The following CNTN3 variants were observed in gnomAD, a reference collection of about 807,000 sequenced individuals.
The protein encoded by CNTN3 is contactin-3.
A neutral mutation model predicts 119.1 loss-of-function variants in CNTN3; 60 were observed. The ratio of observed to expected loss-of-function variants is 0.50; its 90% CI spans 0.41 to 0.62. The LOEUF (loss-of-function observed/expected upper bound fraction) is 0.62, where lower values mean the gene tolerates loss of function less well. CNTN3 is among the 20% of genes least tolerant of loss of function. The pLI, the probability that CNTN3 is intolerant of heterozygous loss-of-function variation, is 0.00. For synonymous variants in CNTN3, 450 were observed against 438.7 expected, an observed-to-expected ratio of 1.03 and a Z score of -0.32; for missense variants, 1,101 against 1,242.4, an observed-to-expected ratio of 0.89 and a Z score of 1.71.
intron 11 of CNTN3, among the ~76,000 whole-genome samples, chr3:74,350,517 T>C (rs1703788683): frequency 6.6e-6 from 1 of 152,130 alleles, no homozygotes; most frequent in Admixed American, 6.5e-5. Flanking sequence ...CATGGAGATT[T>C]TTCAAAGAAC....
intron 17 of CNTN3, among the ~76,000 whole-genome samples, chr3:74,298,439 AG>A (rs1311896350): frequency 6.6e-6 from 1 of 152,206 alleles, no homozygotes; most frequent in East Asian, 1.9e-4. Flanking sequence ...TTATTCAGTT[AG>A]CTGATCATCT....
chr3:74,399,790 G>T (rs1348616384), intron 5 of CNTN3, among the ~76,000 whole-genome samples: 1 of 152,010 alleles, frequency 6.6e-6, no homozygotes, highest in African/African-American at 2.4e-5. Flanking sequence ...CTGTAATTTT[G>T]TATCCTTCAA....
chr3:74,455,485 C>A (rs182122965), intron 4 of CNTN3, among the ~76,000 whole-genome samples: 1 of 152,050 alleles, frequency 6.6e-6, no homozygotes, highest in Non-Finnish European at 1.5e-5. Flanking sequence ...CGTCTGAAGC[C>A]TTCTTCTCTC....
intron 5 of CNTN3, among the ~76,000 whole-genome samples, chr3:74,394,896 T>C (rs935478433): frequency 2.0e-5 from 3 of 152,142 alleles, no homozygotes; most frequent in African/African-American, 7.2e-5. Flanking sequence ...TCTGAATTCA[T>C]AGAAAAAAGA....
chr3:74,546,156 C>A (rs148303961), intron 1 of CNTN3, among the ~76,000 whole-genome samples: 1 of 151,946 alleles, frequency 6.6e-6, no homozygotes, highest in South Asian at 2.1e-4. Flanking sequence ...CCAGTATGCC[C>A]GGCTAATTTT....
intron 1 of CNTN3, among the ~76,000 whole-genome samples, chr3:74,550,641 C>A (rs1338975068): frequency 6.6e-6 from 1 of 152,112 alleles, no homozygotes; most frequent in Non-Finnish European, 1.5e-5. Context: ...TCAACTCAAG[C>A]CATCCTTCTG....
chr3:74,334,809 T>C lies in CNTN3; in HGVS notation c.1594A>G (p.Ile532Val). ...GCCCCATTGAAATACCAGGTAAAGA[T>C]GATGTCTAACAGCGGGTCATGTTGT... ...QVQHDPLLDI[I>V]FTWYFNGALA... Residue 532 changes from isoleucine to valine, a missense_variant, in exon 13 of 23, where the codon ATC becomes GTC. Ile to Val is a conservative substitution (Grantham distance 29). Coordinates refer to ENST00000263665, the MANE Select transcript of CNTN3 (RefSeq NM_020872.3). 3 of 1,613,668 alleles carry C rather than the reference T, an allele frequency of 1.9e-6. No homozygotes were observed. Among genetic ancestry groups the C allele is most frequent in the African/African-American group, 1.3e-5 (1 of 75,004 alleles).
chr3:74,582,667 A>T (rs1704531494), intron 1 of CNTN3, among the ~76,000 whole-genome samples: 1 of 152,196 alleles, frequency 6.6e-6, no homozygotes, highest in South Asian at 2.1e-4. Flanking sequence ...TGGCTAAAAT[A>T]AAAGAGACTG....
chr3:74,534,813 T>C (rs1703742532), intron 1 of CNTN3, among the ~76,000 whole-genome samples: 1 of 151,978 alleles, frequency 6.6e-6, no homozygotes, highest in South Asian at 2.1e-4. Context: ...CAAAAGTAAT[T>C]GCGGTTTTTG....
At chr3:74,520,963 T>C in intron 2 of CNTN3, 95 bp downstream of exon 2, 1 of 592,944 alleles carries the variant, frequency 1.7e-6, no homozygotes. Flanking sequence ...TCTTTGCTAC[T>C]GGTGGAGTTT....
intron 5 of CNTN3, among the ~76,000 whole-genome samples, chr3:74,389,635 G>A (rs1388821390): frequency 1.3e-5 from 2 of 152,080 alleles, no homozygotes; most frequent in African/African-American, 4.8e-5. Flanking sequence ...TCAGGTAGTA[G>A]GTATTATCCC....
intron 11 of CNTN3, among the ~76,000 whole-genome samples, chr3:74,357,360 C>T (rs572179960): frequency 2.6e-5 from 4 of 152,138 alleles, no homozygotes; most frequent in South Asian, 2.1e-4. Flanking sequence ...CTCGGCTCAA[C>T]GCAACCTCTG....
At chr3:74,459,732 T>C (rs1702331737) in intron 4 of CNTN3, among the ~76,000 whole-genome samples, 1 of 152,004 alleles carries the variant, frequency 6.6e-6, no homozygotes, top group Admixed American at 6.6e-5. Context: ...CTTTAACCTT[T>C]AAGGTAGTGT....
chr3:74,537,547 G>A (rs775271203), intron 1 of CNTN3, among the ~76,000 whole-genome samples: 5 of 152,062 alleles, frequency 3.3e-5, no homozygotes, highest in Non-Finnish European at 7.4e-5. Context: ...AGACTCAATG[G>A]CATCTTTGCC....
intron 1 of CNTN3, among the ~76,000 whole-genome samples, chr3:74,560,829 G>C (rs1459822757): frequency 1.3e-5 from 2 of 151,896 alleles, no homozygotes. Flanking sequence ...ACACATCATG[G>C]AATACTATGC....
At chr3:74,528,917 C>G (rs1703656807) in intron 1 of CNTN3, among the ~76,000 whole-genome samples, 1 of 151,828 alleles carries the variant, frequency 6.6e-6, no homozygotes. Context: ...AAGAATGCAG[C>G]AACTCTCTTT....
intron 8 of CNTN3, among the ~76,000 whole-genome samples, chr3:74,366,999 CTCT>C (rs71781118): frequency 0.14 from 20,534 of 148,472 alleles, 1,850 homozygotes; most frequent in South Asian, 0.28. Context: ...CATAGTAATA[CTCT>C]TCTTCTCCAA....
At chr3:74,353,481 G>A (rs1314752004) in intron 11 of CNTN3, among the ~76,000 whole-genome samples, 1 of 152,228 alleles carries the variant, frequency 6.6e-6, no homozygotes, top group Non-Finnish European at 1.5e-5. Flanking sequence ...CATAGGCCGG[G>A]TGCCGTGGCT....
chr3:74,334,540 A>T (rs1282757994), intron 13 of CNTN3, among the ~76,000 whole-genome samples, 195 bp downstream of exon 13: 1 of 152,270 alleles, frequency 6.6e-6, no homozygotes, highest in Non-Finnish European at 1.5e-5. Context: ...GTAATTATAC[A>T]TTGAAGTAAA....
Sources: gnomAD v4.1 joint callset for allele counts (sites outside exome capture counted in the v4.1 genomes callset) on GRCh38, gnomAD v4.1.1 for gene constraint, MANE v1.5 for transcripts, NCBI Gene and HGNC (gene_info 2026-07-23, HGNC 2026-07-21) for gene names.